Variants in THSD7B observed in about 807,000 individuals in gnomAD.
THSD7B encodes thrombospondin type 1 domain containing 7B, also known as thrombospondin type-1 domain-containing protein 7B.
In THSD7B, 138 loss-of-function variants were observed where a neutral mutation model predicts 213.6. That is an observed-to-expected ratio of 0.65 (90% confidence interval 0.56 to 0.74). THSD7B has a LOEUF of 0.74. THSD7B is among the 30% of genes least tolerant of loss of function. The pLI is 0.00. For missense variants in THSD7B, 1,931 were observed against 1,991.5 expected (o/e 0.97, Z 0.58); for synonymous variants, 742 against 687.0 (o/e 1.08, Z -1.25).
intron 15 of THSD7B, among the ~76,000 whole-genome samples, chr2:137,532,832 A>G (rs1432358967): frequency 6.6e-6 from 1 of 151,714 alleles, no homozygotes; most frequent in Non-Finnish European, 1.5e-5. Context: ...CCATATAGGT[A>G]AAAGTCACAG....
rs145513853 is a variant in THSD7B at position 137,059,623 on chromosome 2, G to A, written c.950+2393G>A. On this transcript the variant is annotated intron_variant, in intron 3 of 27. Coordinates refer to ENST00000409968, the MANE Select transcript of THSD7B (RefSeq NM_001316349.2). ...CTTTTTAAAAAATGTTATATAGTTAGAATTATATATGTAGCTTTTTCTGGT... is the reference window on the plus strand; with the variant it reads ...CTTTTTAAAAAATGTTATATAGTTAAAATTATATATGTAGCTTTTTCTGGT... Among the ~76,000 whole-genome samples, 368 of 152,218 alleles carry A rather than the reference G, an allele frequency of 2.4e-3. 1 individual carries two copies. Among genetic ancestry groups the A allele is most frequent in the African/African-American group, 8.6e-3 (357 of 41,532 alleles).
At chr2:137,414,704 A>G (rs1256490603) in intron 14 of THSD7B, among the ~76,000 whole-genome samples, 1 of 152,052 alleles carries the variant, frequency 6.6e-6, no homozygotes, top group Non-Finnish European at 1.5e-5. Context: ...TGTGTGAAAG[A>G]ATGAGACCCT....
intron 13 of THSD7B, among the ~76,000 whole-genome samples, chr2:137,406,202 A>G (rs1558786596): frequency 6.6e-6 from 1 of 152,196 alleles, no homozygotes; most frequent in East Asian, 1.9e-4. Context: ...TCTAACTGAC[A>G]TCATTGTCTT....
intron 1 of THSD7B, among the ~76,000 whole-genome samples, chr2:136,870,393 G>A (rs541817311): frequency 6.6e-6 from 1 of 152,296 alleles, no homozygotes; most frequent in African/African-American, 2.4e-5. Flanking sequence ...AATCTTTGTT[G>A]AATATCTGTT....
At chr2:137,546,395 T>TATAA (rs1480170788) in intron 15 of THSD7B, among the ~76,000 whole-genome samples, 1 of 33,294 alleles carries the variant, frequency 3.0e-5, no homozygotes, top group South Asian at 8.4e-4. Flanking sequence ...ATTATATATA[T>TATAA]TATATATATT....
At chr2:137,017,587 A>G (rs1231439769) in intron 2 of THSD7B, among the ~76,000 whole-genome samples, 1 of 152,150 alleles carries the variant, frequency 6.6e-6, no homozygotes, top group African/African-American at 2.4e-5. Context: ...ATACAGATGT[A>G]GAAACAGACT....
intron 14 of THSD7B, among the ~76,000 whole-genome samples, chr2:137,424,927 C>T (rs1318079974): frequency 6.6e-6 from 1 of 151,766 alleles, no homozygotes; most frequent in African/African-American, 2.4e-5. Flanking sequence ...AAAAAATTAG[C>T]TGGGCATGGT....
At chr2:137,558,468 G>T (rs4581956) in intron 15 of THSD7B, among the ~76,000 whole-genome samples, 11,223 of 152,164 alleles carry the variant, frequency 0.074, 455 homozygotes, top group African/African-American at 0.09. Flanking sequence ...AAAACCACGT[G>T]ATTATCTCAA....
intron 15 of THSD7B, among the ~76,000 whole-genome samples, chr2:137,506,419 C>T (rs1367037449): frequency 1.3e-5 from 2 of 152,180 alleles, no homozygotes; most frequent in African/African-American, 4.8e-5. Flanking sequence ...TTTAACGTTC[C>T]TGAATAAAAA....
chr2:137,313,832 G>GC (rs1391697408), intron 12 of THSD7B, among the ~76,000 whole-genome samples: 1 of 152,036 alleles, frequency 6.6e-6, no homozygotes, highest in Non-Finnish European at 1.5e-5. Flanking sequence ...TTGAATATTG[G>GC]CCCCCGCTCT....
intron 5 of THSD7B, among the ~76,000 whole-genome samples, chr2:137,130,592 T>A (rs541065232): frequency 1.4e-5 from 2 of 145,924 alleles, no homozygotes; most frequent in Non-Finnish European, 3.0e-5. Context: ...TGTGTTCTCA[T>A]TGTTCAATTC....
intron 1 of THSD7B, among the ~76,000 whole-genome samples, chr2:136,860,364 C>T (rs1683241106): frequency 6.6e-6 from 1 of 152,096 alleles, no homozygotes; most frequent in African/African-American, 2.4e-5. Context: ...ATGTCACCAG[C>T]CCAAGGCTGT....
intron 10 of THSD7B, among the ~76,000 whole-genome samples, chr2:137,263,017 C>A (rs12618614): frequency 6.6e-6 from 1 of 152,028 alleles, no homozygotes; most frequent in African/African-American, 2.4e-5. Flanking sequence ...GGTTAGCTCT[C>A]TCTAAATTGG....
chr2:137,636,888 A>G (rs1274944474), intron 20 of THSD7B, among the ~76,000 whole-genome samples: 1 of 152,138 alleles, frequency 6.6e-6, no homozygotes, highest in African/African-American at 2.4e-5. Flanking sequence ...AGGTCTTGCT[A>G]TGCTGCCCAG....
chr2:137,376,694 C>T (rs372005220), intron 12 of THSD7B, among the ~76,000 whole-genome samples: 7 of 152,220 alleles, frequency 4.6e-5, no homozygotes, highest in Admixed American at 3.3e-4. Flanking sequence ...TAGCATATTG[C>T]GTAGTTATAG....
At chr2:137,010,759 A>G (rs1016168223) in intron 2 of THSD7B, among the ~76,000 whole-genome samples, 4 of 152,210 alleles carry the variant, frequency 2.6e-5, no homozygotes, top group African/African-American at 9.6e-5. Context: ...CCGGGAATAC[A>G]GTGGGTAATA....
intron 2 of THSD7B, among the ~76,000 whole-genome samples, chr2:136,910,335 A>T (rs951068754): frequency 3.3e-5 from 5 of 152,324 alleles, no homozygotes; most frequent in Non-Finnish European, 5.9e-5. Flanking sequence ...TGGTAGTGGC[A>T]TACTGGGTAG....
At chr2:136,982,998 G>C (rs1218768651) in intron 2 of THSD7B, among the ~76,000 whole-genome samples, 2 of 151,908 alleles carry the variant, frequency 1.3e-5, no homozygotes, top group African/African-American at 4.8e-5. Context: ...TTGGTCAGTA[G>C]AGGCCCATGC....
At chr2:137,069,203 T>C (rs1308691398) in intron 3 of THSD7B, among the ~76,000 whole-genome samples, 1 of 152,124 alleles carries the variant, frequency 6.6e-6, no homozygotes, top group Non-Finnish European at 1.5e-5. Flanking sequence ...AGCTGTCATA[T>C]AGTCTGTTCA....
Sources: gnomAD v4.1 joint callset for allele counts (sites outside exome capture counted in the v4.1 genomes callset) on GRCh38, gnomAD v4.1.1 for gene constraint, MANE v1.5 for transcripts, NCBI Gene and HGNC (gene_info 2026-07-23, HGNC 2026-07-21) for gene names.